ARID1B: variants seen among roughly 807,000 people sequenced by gnomAD.
The protein encoded by ARID1B is AT-rich interactive domain-containing protein 1B.
A neutral mutation model predicts 212.3 loss-of-function variants in ARID1B; 30 were observed. That is an observed-to-expected ratio of 0.14 (90% CI 0.11 to 0.19). ARID1B has a LOEUF of 0.19. Among genes scored for constraint, ARID1B ranks in the 10% least tolerant of loss-of-function variants. ARID1B has a pLI of 1.00. For missense variants in ARID1B, 2,891 were observed against 3,204.0 expected (o/e 0.90, Z 2.36); for synonymous variants, 1,402 against 1,301.7 (o/e 1.08, Z -1.66).
chr6:156,988,143 GT>G (rs1778049471), intron 4 of ARID1B, among the ~76,000 whole-genome samples: 1 of 152,210 alleles, frequency 6.6e-6, no homozygotes, highest in African/African-American at 2.4e-5. Context: ...AGGGATTATT[GT>G]TCAAGGATTT....
intron 1 of ARID1B, among the ~76,000 whole-genome samples, chr6:156,780,026 C>T (rs922978483): frequency 1.3e-5 from 2 of 152,146 alleles, no homozygotes; most frequent in Non-Finnish European, 2.9e-5. Context: ...GTGGGTTTTT[C>T]CTACTTAGGG....
intron 4 of ARID1B, among the ~76,000 whole-genome samples, chr6:156,998,484 A>G (rs1235559900): frequency 1.3e-5 from 2 of 152,098 alleles, no homozygotes; most frequent in Non-Finnish European, 2.9e-5. Flanking sequence ...CGGCCTCCCA[A>G]AGTGCTGGGA....
Position 157,060,630 on chromosome 6 carries a change from C to CTTTTTTTTTTTTTTTTTTTTTT in ARID1B, c.2248-24027_2248-24006dup, listed in dbSNP as rs56870548. On this transcript the variant is annotated intron_variant, in intron 4 of 19. Coordinates refer to ENST00000636930, the MANE Select transcript of ARID1B (RefSeq NM_001374828.1). ...TAATATATGTGAAGCAAAATCTGAA[C>CTTTTTTTTTTTTTTTTTTTTTT]TTTTTTTTTTTTTTTTTTTTTTTTT... is the stretch of plus-strand genomic sequence containing the variant. Among the ~76,000 whole-genome samples the CTTTTTTTTTTTTTTTTTTTTTT allele has an allele frequency of 4.2e-5, 3 of 72,044 alleles. 1 individual carries two copies. Among genetic ancestry groups the CTTTTTTTTTTTTTTTTTTTTTT allele is most frequent in the African/African-American group, 1.9e-4 (3 of 15,958 alleles). 47.3% of individuals were successfully genotyped at this position (72,044 alleles called of 152,430 possible). A position where few individuals can be genotyped will look rare whatever the true frequency, so the allele number is the denominator to read the frequency against.
At chr6:157,073,125 C>CA (rs1366895942) in intron 4 of ARID1B, among the ~76,000 whole-genome samples, 1 of 140,632 alleles carries the variant, frequency 7.1e-6, no homozygotes, top group Non-Finnish European at 1.5e-5. Context: ...TTTTTGGAGA[C>CA]ACAGCCTCAC....
chr6:156,886,075 A>T (rs956318229), intron 2 of ARID1B, among the ~76,000 whole-genome samples: 2 of 152,246 alleles, frequency 1.3e-5, no homozygotes, highest in Admixed American at 6.5e-5. Flanking sequence ...CAGATATCTC[A>T]AAGTTTGAAA....
At chr6:156,966,592 T>A (rs9478742) in intron 4 of ARID1B, among the ~76,000 whole-genome samples, 85,723 of 151,824 alleles carry the variant, frequency 0.56, 24,870 homozygotes, top group African/African-American at 0.7. Context: ...ATCGGGTTTC[T>A]TCATGTTGGC....
intron 4 of ARID1B, among the ~76,000 whole-genome samples, chr6:157,041,221 C>T (rs572545512): frequency 6.6e-6 from 1 of 152,226 alleles, no homozygotes; most frequent in Non-Finnish European, 1.5e-5. Context: ...ATAGGATAAC[C>T]GTGCCTTGTA....
intron 14 of ARID1B, 35 bp downstream of exon 14, chr6:157,189,815 C>T (rs1562336008): frequency 1.2e-6 from 2 of 1,611,516 alleles, no homozygotes; most frequent in East Asian, 4.5e-5. Flanking sequence ...CATACAAAGT[C>T]ACATTTGTTC....
Position 157,165,749 on chromosome 6 carries a change from T to A in ARID1B, c.3090-1291T>A, listed in dbSNP as rs138126858. ...CTGTAGTTCCAGCTATTTGGGAGAG[T>A]GAGGCGGGAGAGTCGCTTGAGCCTG... On this transcript the variant is annotated intron_variant, in intron 8 of 19. Coordinates refer to ENST00000636930, the MANE Select transcript of ARID1B (RefSeq NM_001374828.1). 9.9e-3 allele frequency among the ~76,000 whole-genome samples: 1,501 copies of A among 151,838 alleles called. 18 individuals are homozygous for A. Among genetic ancestry groups the A allele is most frequent in the African/African-American group, 0.034 (1,390 of 41,344 alleles).
At chr6:157,099,221 T>C (rs529114766) in intron 5 of ARID1B, among the ~76,000 whole-genome samples, 1 of 152,322 alleles carries the variant, frequency 6.6e-6, no homozygotes, top group African/African-American at 2.4e-5. Context: ...GTGCTGGGAT[T>C]ACAAGCGTGA....
chr6:156,994,114 C>CTTAATGTA (rs1778435505), intron 4 of ARID1B, among the ~76,000 whole-genome samples: 1 of 151,944 alleles, frequency 6.6e-6, no homozygotes, highest in Non-Finnish European at 1.5e-5. Flanking sequence ...CTTGCTTTTT[C>CTTAATGTA]CATAAGTACA....
At chr6:156,963,094 G>C (rs369826485) in intron 4 of ARID1B, among the ~76,000 whole-genome samples, 1 of 152,150 alleles carries the variant, frequency 6.6e-6, no homozygotes, top group Admixed American at 6.5e-5. Flanking sequence ...AATTTCTTTA[G>C]AAGTATTATG....
intron 2 of ARID1B, among the ~76,000 whole-genome samples, chr6:156,900,559 C>T (rs886321952): frequency 3.3e-5 from 5 of 152,120 alleles, no homozygotes; most frequent in Non-Finnish European, 5.9e-5. Flanking sequence ...TTTTTGCTGT[C>T]CTGATATCTT....
In ARID1B at chr6:157,207,799, G is replaced by A. The variant is rs1794581736; in HGVS notation, c.7027G>A (p.Gly2343Ser). 1 of 1,553,516 alleles carries A rather than the reference G, an allele frequency of 6.4e-7. No individual in the cohort carries two copies. Among genetic ancestry groups the A allele is most frequent in the Non-Finnish European group, 8.7e-7 (1 of 1,147,118 alleles). ...CCGCTCGGAATTCCTTTTGCACGAG[G>A]GCCGGTTGCTGGATATCTCGATATC... The part of the protein sequence containing the change: ...ENRSEFLLHE[G>S]RLLDISISAV... Residue 2343 changes from glycine to serine, a missense_variant, in exon 20 of 20, where the codon GGC (glycine) becomes AGC (serine). Transcript: ENST00000636930. The surrounding 1 kb of genome is among the most constrained non-coding windows in gnomAD (Gnocchi z 8.5).
intron 5 of ARID1B, among the ~76,000 whole-genome samples, chr6:157,104,613 A>T (rs1268906882): frequency 6.6e-6 from 1 of 152,258 alleles, no homozygotes; most frequent in African/African-American, 2.4e-5. Context: ...ATAAACAGTT[A>T]AAAGACATAT....
chr6:156,804,747 A>G (rs1781028465), intron 1 of ARID1B, among the ~76,000 whole-genome samples: 1 of 152,038 alleles, frequency 6.6e-6, no homozygotes, highest in Non-Finnish European at 1.5e-5. Context: ...AATTCCAGAT[A>G]AGATTTGAGT....
At chr6:157,070,862 A>G (rs61431801) in intron 4 of ARID1B, among the ~76,000 whole-genome samples, 5,081 of 152,232 alleles carry the variant, frequency 0.033, 285 homozygotes, top group African/African-American at 0.12. Context: ...TGACAAGGCA[A>G]TCCTGCTGGG....
rs981739886 is a variant in ARID1B, at chr6:156,987,101, C to T, written c.2247+51525C>T. Among the ~76,000 whole-genome samples, 5 of 148,346 alleles carry T rather than the reference C, an allele frequency of 3.4e-5. No homozygotes were observed. The East Asian group carries it at 6.3e-4, about 19-fold the overall frequency. On this transcript the variant is annotated intron_variant, in intron 4 of 19. Coordinates refer to ENST00000636930, the MANE Select transcript of ARID1B (RefSeq NM_001374828.1). ...GCTGAGGTGGGAGGATGGCTCTAGCCCGGGAGGTCCAGGCTGCAGTGAGCT... is the reference window on the plus strand; with the variant it reads ...GCTGAGGTGGGAGGATGGCTCTAGCTCGGGAGGTCCAGGCTGCAGTGAGCT...
At chr6:157,105,201 A>C (rs1583313859) in intron 5 of ARID1B, among the ~76,000 whole-genome samples, 1 of 152,224 alleles carries the variant, frequency 6.6e-6, no homozygotes. Context: ...ATGGAAAAAA[A>C]ACATGTATGT....
Sources: gnomAD v4.1 joint callset for allele counts (sites outside exome capture counted in the v4.1 genomes callset) on GRCh38, gnomAD v4.1.1 for gene constraint, Gnocchi (gnomAD v3.1) non-coding constraint, MANE v1.5 for transcripts, NCBI Gene and HGNC (gene_info 2026-07-23, HGNC 2026-07-21) for gene names.